Variants in CYP27C1 observed in about 807,000 individuals in gnomAD.
The protein encoded by CYP27C1 is cytochrome P450 family 27 subfamily C member 1.
Under a neutral mutation model 40.6 loss-of-function variants are expected in CYP27C1, and 29 were observed. That is an observed-to-expected ratio of 0.71 (90% CI 0.53 to 0.97). The LOEUF is 0.97. CYP27C1 is among the 50% of genes least tolerant of loss of function. The probability of loss-of-function intolerance (pLI) is 0.00; values close to 1 mark genes in which losing one functional copy is unlikely to be tolerated. For missense variants in CYP27C1, 390 were observed against 485.8 expected, an observed-to-expected ratio of 0.80 and a Z score of 1.85; for synonymous variants, 198 against 186.8, an observed-to-expected ratio of 1.06 and a Z score of -0.49.
intron 1 of CYP27C1, among the ~76,000 whole-genome samples, chr2:127,206,578 G>A (rs1683233978): frequency 6.6e-6 from 1 of 152,214 alleles, no homozygotes; most frequent in African/African-American, 2.4e-5. Flanking sequence ...AAAGTGCTGG[G>A]ATTACAGGCA....
At chr2:127,187,539 C>T in intron 8 of CYP27C1, 152 bp from the exon 9 acceptor site, 1 of 650,348 alleles carries the variant, frequency 1.5e-6, no homozygotes, top group Non-Finnish European at 2.7e-6. Context: ...GCTACAGAAC[C>T]TCCAGGTCAG....
chr2:127,195,280 A>T lies in CYP27C1; in HGVS notation c.1214+55T>A. The T allele has an allele frequency of 6.2e-7, 1 of 1,608,514 alleles. No individual in the cohort carries two copies. The highest frequency in any genetic ancestry group is 8.5e-7 in the Non-Finnish European group (1 of 1,176,732). The stretch of plus-strand genomic sequence containing the variant: ...GCATTTGGAGGACTTGTTGTGATAG[A>T]GAACCAGGGACCTAAGGGACACAGT... On this transcript the variant is annotated intron_variant, in intron 6 of 8. Transcript: ENST00000664447. This position sits in a 1 kb window ranked among gnomAD's most constrained non-coding sequence, Gnocchi z 6.2.
chr2:127,201,706 G>T lies in CYP27C1; in HGVS notation c.674-375C>A, dbSNP rs191317338. Among the ~76,000 whole-genome samples the T allele has an allele frequency of 3.9e-5, 6 of 152,308 alleles. No homozygotes were observed. The East Asian group carries it at 1.2e-3, about 29-fold the overall frequency. ...CCTGGGGAGGGGACAATCACCGAGCGTGTCACTGCTCTCCCCCAACACCCT... is the reference window on the plus strand; with the variant it reads ...CCTGGGGAGGGGACAATCACCGAGCTTGTCACTGCTCTCCCCCAACACCCT... On this transcript the variant is annotated intron_variant, in intron 3 of 8. Coordinates refer to ENST00000664447, the MANE Select transcript of CYP27C1 (RefSeq NM_001367502.1). This position sits in a 1 kb window ranked among gnomAD's most constrained non-coding sequence, Gnocchi z 6.0.
chr2:127,200,543 C>G lies in CYP27C1; in HGVS notation c.883+579G>C, dbSNP rs181924414. On this transcript the variant is annotated intron_variant, in intron 4 of 8. Coordinates refer to ENST00000664447, the MANE Select transcript of CYP27C1 (RefSeq NM_001367502.1). This position sits in a 1 kb window ranked among gnomAD's most constrained non-coding sequence, Gnocchi z 4.2. Reference sequence around the variant, plus strand: ...AATTTATTTGGAGTAAAGACATCATCTTGCATGGACATTTACTTGTACCTG... The same window carrying G: ...AATTTATTTGGAGTAAAGACATCATGTTGCATGGACATTTACTTGTACCTG... 6.6e-5 allele frequency among the ~76,000 whole-genome samples: 10 copies of G among 152,278 alleles called. No individual in the cohort carries two copies. The highest frequency in any genetic ancestry group is 6.5e-4 in the Admixed American group (10 of 15,298).
In CYP27C1 at chr2:127,183,944, G is replaced by A. The variant is rs922672289; in HGVS notation, c.*3327C>T. Among the ~76,000 whole-genome samples, 1 of 152,046 alleles carries A rather than the reference G, an allele frequency of 6.6e-6. No individual in the cohort carries two copies. Among genetic ancestry groups the A allele is most frequent in the African/African-American group, 2.4e-5 (1 of 41,358 alleles). On this transcript the variant is annotated 3_prime_UTR_variant, in exon 9 of 9. Coordinates refer to ENST00000664447, the MANE Select transcript of CYP27C1 (RefSeq NM_001367502.1). The surrounding 1 kb of genome is among the most constrained non-coding windows in gnomAD (Gnocchi z 5.1). ...CCTGCTTCCACAGTTAACAACATCT[G>A]CCTAATCTTGGGTCATCTCTTCCTC...
rs898469763 is a variant in CYP27C1, at chr2:127,203,263, C to A, written c.673+109G>T. The A allele has an allele frequency of 2.0e-5, 26 of 1,299,630 alleles. No individual in the cohort carries two copies. In the African/African-American group the frequency reaches 3.6e-4, roughly 18 times the overall value. The allele number at this position is 1,299,630 out of a possible 1,614,324, so 80.5% of individuals were successfully genotyped here. On this transcript the variant is annotated intron_variant, in intron 3 of 8. Transcript: ENST00000664447. ...CGTGGAGGTGACATGCATGTATGTCCCAGACTTAGCACACTGCCTGGGACC... is the reference window on the plus strand; with the variant it reads ...CGTGGAGGTGACATGCATGTATGTCACAGACTTAGCACACTGCCTGGGACC...
At chr2:127,207,605 G>C (rs1240190160) in intron 1 of CYP27C1, among the ~76,000 whole-genome samples, 1 of 152,108 alleles carries the variant, frequency 6.6e-6, no homozygotes, top group Non-Finnish European at 1.5e-5. Context: ...AGGAGGTGGA[G>C]GTTGCAGTGA....
chr2:127,191,227 G>A (rs536145060), intron 8 of CYP27C1, among the ~76,000 whole-genome samples: 1 of 152,248 alleles, frequency 6.6e-6, no homozygotes, highest in East Asian at 1.9e-4. Context: ...CCTGGCGACA[G>A]AGCAAGACTC....
In CYP27C1 at chr2:127,219,725, G is replaced by A. The variant is rs1413654286; in HGVS notation, c.282+264C>T. On this transcript the variant is annotated intron_variant, in intron 1 of 8. Transcript: ENST00000664447. This position sits in a 1 kb window ranked among gnomAD's most constrained non-coding sequence, Gnocchi z 8.7. ...CCGAAGACCCCTCCCCAACGCCCCC[G>A]CCCCGCTCCCGGTTCCTGCCTCCTC... 5.3e-5 allele frequency among the ~76,000 whole-genome samples: 3 copies of A among 56,260 alleles called. No individual in the cohort carries two copies. The highest frequency in any genetic ancestry group is 7.3e-5 in the Non-Finnish European group (2 of 27,428). The allele number at this position is 56,260 out of a possible 152,430, so 36.9% of individuals were successfully genotyped here.
At position 127,219,317 on chromosome 2, in the gene CYP27C1, C is replaced by A. The variant is rs1558936277; in HGVS notation, c.282+672G>T. ...ACTCCCAGGCCCCGGCGGCGTCCAC[C>A]AGGCGCCCGCTGCCCCTCCCCAAGT... is the stretch of plus-strand genomic sequence containing the variant. On this transcript the variant is annotated intron_variant, in intron 1 of 8. Transcript: ENST00000664447. The surrounding 1 kb of genome is among the most constrained non-coding windows in gnomAD (Gnocchi z 8.7). Among the ~76,000 whole-genome samples, 1 of 152,062 alleles carries A rather than the reference C, an allele frequency of 6.6e-6. No homozygotes were observed. Among genetic ancestry groups the A allele is most frequent in the Admixed American group, 6.5e-5 (1 of 15,276 alleles).
At chr2:127,212,989 G>A (rs749996387) in intron 1 of CYP27C1, among the ~76,000 whole-genome samples, 3 of 152,110 alleles carry the variant, frequency 2.0e-5, no homozygotes, top group Non-Finnish European at 4.4e-5. Context: ...TAAAATCAAT[G>A]TGCAAAAATC....
Position 127,195,431 on chromosome 2 carries a change from C to T in CYP27C1, c.1118G>A (p.Arg373Gln), listed in dbSNP as rs147953391. ...TTCCCCTAAATTCTTCACAATCTCC[C>T]GGTACACCGTCTGCTGCACTTCTGG... The part of the protein sequence containing the change: ...RHPEVQQTVY[R>Q]EIVKNLGERH... The change falls in exon 6 of 9, where the codon CGG becomes CAG. Residue 373 changes from arginine (R) to glutamine (Q), a missense_variant. Arg to Gln is a conservative substitution (Grantham distance 43). Transcript: ENST00000664447. The surrounding 1 kb of genome is among the most constrained non-coding windows in gnomAD (Gnocchi z 6.2). The T allele has an allele frequency of 8.7e-6, 14 of 1,614,020 alleles. No individual in the cohort carries two copies. Among genetic ancestry groups the T allele is most frequent in the African/African-American group, 8.0e-5 (6 of 74,878 alleles).
intron 2 of CYP27C1, among the ~76,000 whole-genome samples, chr2:127,204,590 A>C (rs189775700): frequency 3.2e-5 from 3 of 93,988 alleles, no homozygotes; most frequent in African/African-American, 1.4e-4. Context: ...AGAAAGAAAG[A>C]AAGAAAGAAA....
chr2:127,193,657 C>T, intron 7 of CYP27C1, 132 bp downstream of exon 7: 1 of 1,006,132 alleles, frequency 9.9e-7, no homozygotes, highest in East Asian at 2.6e-5. Context: ...CCATCTTCAT[C>T]TTAAAATACA....
At chr2:127,197,319 C>T (rs1682926184) in intron 5 of CYP27C1, among the ~76,000 whole-genome samples, 1 of 152,160 alleles carries the variant, frequency 6.6e-6, no homozygotes, top group Non-Finnish European at 1.5e-5. Context: ...GGAGTTTATG[C>T]TGTGTGGGTT....
chr2:127,204,452 GAAA>G (rs1558930867), intron 2 of CYP27C1, among the ~76,000 whole-genome samples: 21 of 32,448 alleles, frequency 6.5e-4, no homozygotes, highest in Non-Finnish European at 1.1e-3. Flanking sequence ...AAGAAAGAAA[GAAA>G]GAAAGAAAGA....
Position 127,191,698 on chromosome 2 carries a change from G to A in CYP27C1, c.1497+1396C>T, listed in dbSNP as rs138814085. Among the ~76,000 whole-genome samples the A allele has an allele frequency of 7.5e-3, 1,138 of 152,340 alleles. 15 individuals are homozygous for A. Among genetic ancestry groups the A allele is most frequent in the African/African-American group, 0.026 (1,074 of 41,576 alleles). On this transcript the variant is annotated intron_variant, in intron 8 of 8. Transcript: ENST00000664447. ...TTTTGTAAATGACGTGACAGGCTCA[G>A]CTCAGGTGGCTGAGAAACCTGCCAA...
At chr2:127,190,553 G>T (rs1338443938) in intron 8 of CYP27C1, among the ~76,000 whole-genome samples, 1 of 150,590 alleles carries the variant, frequency 6.6e-6, no homozygotes, top group African/African-American at 2.4e-5. Context: ...TGTTGGTCAG[G>T]CTGGTCTCGA....
At chr2:127,210,697 AAAAG>A (rs1683318965) in intron 1 of CYP27C1, among the ~76,000 whole-genome samples, 1 of 152,148 alleles carries the variant, frequency 6.6e-6, no homozygotes, top group East Asian at 1.9e-4. Context: ...TGAAAAAAAA[AAAAG>A]CAGGGGTTGC....
Sources: allele counts gnomAD v4.1 joint callset (sites outside exome capture counted in the v4.1 genomes callset), GRCh38; gene constraint gnomAD v4.1.1; non-coding constraint Gnocchi (gnomAD v3.1); transcripts MANE v1.5; gene names NCBI Gene and HGNC (gene_info 2026-07-23, HGNC 2026-07-21).